The following EBF1 variants were observed in gnomAD, a reference collection of about 807,000 sequenced individuals.
The protein encoded by EBF1 is transcription factor COE1.
In EBF1, 10 loss-of-function variants were observed where a neutral mutation model predicts 68.4. The observed-to-expected ratio is 0.15, with a 90% CI of 0.09 to 0.25. EBF1 has a LOEUF of 0.25. Ranked by LOEUF, EBF1 falls within the 10% of genes least tolerant of loss-of-function variation. The pLI, the probability that EBF1 is intolerant of heterozygous loss-of-function variation, is 1.00. For synonymous variants in EBF1, 298 were observed against 299.8 expected (o/e 0.99, Z 0.06); for missense variants, 509 against 794.4 (o/e 0.64, Z 4.32).
At chr5:158,754,594 T>C (rs1232324546) in intron 10 of EBF1, among the ~76,000 whole-genome samples, 1 of 152,174 alleles carries the variant, frequency 6.6e-6, no homozygotes, top group Non-Finnish European at 1.5e-5. Context: ...ATTCATTTAT[T>C]TATTCTGTCA....
chr5:158,838,891 A>AGCCAT (rs3034274), intron 7 of EBF1, among the ~76,000 whole-genome samples: 112,729 of 151,372 alleles, frequency 0.74, 42,212 homozygotes, highest in South Asian at 0.88. Context: ...CAAATAACTT[A>AGCCAT]GCCATTCGGT....
At chr5:158,892,574 G>A (rs1268908734) in intron 6 of EBF1, among the ~76,000 whole-genome samples, 3 of 152,170 alleles carry the variant, frequency 2.0e-5, no homozygotes, top group African/African-American at 7.2e-5. Flanking sequence ...CTCATGCGAT[G>A]GGGTCGCAGT....
chr5:159,048,447 C>T (rs1772881705), intron 6 of EBF1, among the ~76,000 whole-genome samples: 1 of 152,180 alleles, frequency 6.6e-6, no homozygotes, highest in African/African-American at 2.4e-5. Context: ...CCAGCCTGCA[C>T]ACCAGCACCC....
Position 158,939,155 on chromosome 5 carries a change from T to A in EBF1, c.555-99045A>T, listed in dbSNP as rs970647649. 3.3e-5 allele frequency among the ~76,000 whole-genome samples: 5 copies of A among 152,336 alleles called. No homozygotes were observed. The East Asian group carries it at 5.8e-4, about 18-fold the overall frequency. ...GCCCGTGGGCACTTGGTGCTACTCA[T>A]TGGCCTCACATGTACCTCAGGGCTT... On this transcript the variant is annotated intron_variant, in intron 6 of 15. Transcript: ENST00000313708.
At chr5:158,927,670 C>T (rs1042036077) in intron 6 of EBF1, among the ~76,000 whole-genome samples, 2 of 152,100 alleles carry the variant, frequency 1.3e-5, no homozygotes, top group African/African-American at 4.8e-5. Context: ...TCCCAGAGGC[C>T]GTCTGCACCC....
intron 10 of EBF1, among the ~76,000 whole-genome samples, chr5:158,773,737 G>T (rs958834182): frequency 2.0e-5 from 3 of 152,132 alleles, no homozygotes; most frequent in Non-Finnish European, 4.4e-5. Flanking sequence ...AGCAGCTAAA[G>T]GTGCCTAAGA....
chr5:158,698,645 TTTTTTTTTCC>T lies in EBF1; in HGVS notation c.*456_*465del, dbSNP rs1408847167. On this transcript the variant is annotated 3_prime_UTR_variant, in exon 16 of 16. Transcript: ENST00000313708. ...TCCTATTCTGTCCCATACAAGCTTT[TTTTTTTTTCC>T]TTTTTTTCTTTTTTTTTTTTTTTAC... 2 of 195,246 alleles carry T rather than the reference TTTTTTTTTCC, an allele frequency of 1.0e-5. No homozygotes were observed. The highest frequency in any genetic ancestry group is 4.6e-5 in the African/African-American group (2 of 43,218). 12.1% of individuals were successfully genotyped at this position (195,246 alleles called of 1,614,324 possible).
intron 15 of EBF1, among the ~76,000 whole-genome samples, chr5:158,702,049 A>C (rs1222141185): frequency 6.6e-6 from 1 of 152,182 alleles, no homozygotes; most frequent in African/African-American, 2.4e-5. Context: ...GTAATATCAA[A>C]GCATTACTGT....
In EBF1 at chr5:158,861,204, A is replaced by C. The variant is rs1389265618; in HGVS notation, c.555-21094T>G. On this transcript the variant is annotated intron_variant, in intron 6 of 15. Coordinates refer to ENST00000313708, the MANE Select transcript of EBF1 (RefSeq NM_024007.5). ...ATCTTACTCAAAGGCAGGCTAAAAA[A>C]AAATAAAGGAACTGGAAGGTGAAGA... Among the ~76,000 whole-genome samples, 3 of 152,236 alleles carry C rather than the reference A, an allele frequency of 2.0e-5. No individual in the cohort carries two copies. The South Asian group carries it at 6.2e-4, about 31-fold the overall frequency.
chr5:159,083,851 T>A (rs928325844), intron 5 of EBF1, among the ~76,000 whole-genome samples: 1 of 152,212 alleles, frequency 6.6e-6, no homozygotes, highest in African/African-American at 2.4e-5. Flanking sequence ...ATTCAGAATA[T>A]ATTGGGAGCA....
chr5:158,983,887 C>CAACT (rs1583661907), intron 6 of EBF1: 1 of 122,790 alleles, frequency 8.1e-6, no homozygotes, highest in Non-Finnish European at 1.8e-5. Flanking sequence ...TCTCATCCTG[C>CAACT]AACTGTAAGA....
chr5:158,930,164 CTGTT>C (rs1439865975), intron 6 of EBF1, among the ~76,000 whole-genome samples: 1 of 151,718 alleles, frequency 6.6e-6, no homozygotes, highest in African/African-American at 2.4e-5. Context: ...TCAGGTGTAT[CTGTT>C]ACTTTTTTTT....
At chr5:158,875,239 A>G (rs1797620279) in intron 6 of EBF1, among the ~76,000 whole-genome samples, 1 of 152,208 alleles carries the variant, frequency 6.6e-6, no homozygotes, top group South Asian at 2.1e-4. Context: ...GAAGGTATGA[A>G]TTTGTCAATA....
At chr5:158,992,418 C>A (rs1313391699) in intron 6 of EBF1, among the ~76,000 whole-genome samples, 1 of 151,776 alleles carries the variant, frequency 6.6e-6, no homozygotes, top group Non-Finnish European at 1.5e-5. Context: ...AGATCCATTT[C>A]TCTTCCCTTC....
chr5:158,804,201 T>A (rs1430218676), intron 8 of EBF1, among the ~76,000 whole-genome samples: 1 of 151,832 alleles, frequency 6.6e-6, no homozygotes, highest in Non-Finnish European at 1.5e-5. Flanking sequence ...CAGGCACTAT[T>A]TGGAAATGTA....
chr5:158,910,448 C>T (rs1805718901), intron 6 of EBF1, among the ~76,000 whole-genome samples: 1 of 152,120 alleles, frequency 6.6e-6, no homozygotes, highest in South Asian at 2.1e-4. Context: ...ACCATTAAAT[C>T]CTAAACACAC....
chr5:158,942,557 A>C (rs929106145), intron 6 of EBF1, among the ~76,000 whole-genome samples: 2 of 152,192 alleles, frequency 1.3e-5, no homozygotes, highest in Non-Finnish European at 2.9e-5. Context: ...GGACATTAGA[A>C]TTGGGTAAGT....
chr5:159,066,427 C>T (rs969043461), intron 6 of EBF1, among the ~76,000 whole-genome samples: 1 of 152,170 alleles, frequency 6.6e-6, no homozygotes, highest in Non-Finnish European at 1.5e-5. Flanking sequence ...ATTCCCAAAG[C>T]ACACAGAAGA....
chr5:158,895,609 T>TGG (rs1802018957), intron 6 of EBF1, among the ~76,000 whole-genome samples: 1 of 152,002 alleles, frequency 6.6e-6, no homozygotes, highest in Non-Finnish European at 1.5e-5. Flanking sequence ...CTAAAGACAA[T>TGG]GCTATCATTC....
Sources: gnomAD v4.1 joint callset for allele counts (sites outside exome capture counted in the v4.1 genomes callset) on GRCh38, gnomAD v4.1.1 for gene constraint, MANE v1.5 for transcripts, NCBI Gene and HGNC (gene_info 2026-07-23, HGNC 2026-07-21) for gene names.